Variants in NAV1 observed in about 807,000 individuals in gnomAD.
NAV1 encodes the protein pore membrane and/or filament interacting like protein 3.
In NAV1, 18 loss-of-function variants were observed where a neutral mutation model predicts 175.2. The observed-to-expected ratio is 0.10, with a 90% CI of 0.07 to 0.15. The LOEUF is 0.15. NAV1 is among the 10% of genes least tolerant of loss of function. The pLI, the probability that NAV1 is intolerant of heterozygous loss-of-function variation, is 1.00. For synonymous variants in NAV1, 897 were observed against 978.7 expected, an observed-to-expected ratio of 0.92 and a Z score of 1.56; for missense variants, 1,731 against 2,436.6, an observed-to-expected ratio of 0.71 and a Z score of 6.10.
At chr1:201,707,561 A>ACTACATCACTGTCAGTTTTGCCC (rs1183936686) in intron 1 of NAV1, among the ~76,000 whole-genome samples, 1 of 152,190 alleles carries the variant, frequency 6.6e-6, no homozygotes, top group African/African-American at 2.4e-5. Context: ...TGTTCTTGCC[A>ACTACATCACTGTCAGTTTTGCCC]CTACATCACT....
At chr1:201,659,396 G>C (rs1022605197) in intron 1 of NAV1, among the ~76,000 whole-genome samples, 1 of 152,168 alleles carries the variant, frequency 6.6e-6, no homozygotes, top group African/African-American at 2.4e-5. Context: ...TCGTAGAATC[G>C]CTTGAGCCCA....
chr1:201,809,645 G>A (rs1336740597), intron 22 of NAV1, 108 bp downstream of exon 26: 26 of 1,020,318 alleles, frequency 2.5e-5, no homozygotes, highest in Middle Eastern at 2.2e-4. Context: ...GGGCAGTGGC[G>A]TGATCACAGC....
At position 201,782,561 on chromosome 1, in the gene NAV1, C is replaced by T. The variant is rs749718976; in HGVS notation, c.2049C>T (p.Ser683=). 1.6e-5 allele frequency: 25 copies of T among 1,611,942 alleles called. No individual in the cohort carries two copies. In the South Asian group the frequency reaches 1.8e-4, roughly 11 times the overall value. ...GGCCAGCCAAGTCAAGTTCTATGAG[C>T]GTGACCGGCGGGCGGGGTGGACCTC... Residue 683 remains serine, a synonymous_variant, in exon 6 of 30, where the codon AGC becomes AGT. Transcript: ENST00000367296. The surrounding 1 kb of genome is among the most constrained non-coding windows in gnomAD (Gnocchi z 5.4).
chr1:201,788,699 C>T lies in NAV1; in HGVS notation c.3166+61C>T. The stretch of plus-strand genomic sequence containing the variant: ...CAGCTCTGCTGGGTCCCCTCACCCA[C>T]CACCTCCACTCCCACCACTCCTACC... On this transcript the variant is annotated intron_variant, in intron 10 of 29. Coordinates refer to ENST00000367296, the Ensembl canonical transcript of NAV1. The surrounding 1 kb of genome is among the most constrained non-coding windows in gnomAD (Gnocchi z 5.7). 6.7e-7 allele frequency: 1 copy of T among 1,483,898 alleles called. No individual in the cohort carries two copies. Among genetic ancestry groups the T allele is most frequent in the African/African-American group, 1.4e-5 (1 of 72,738 alleles). The allele number at this position is 1,483,898 out of a possible 1,614,324, so 91.9% of individuals were successfully genotyped here. A position where few individuals can be genotyped will look rare whatever the true frequency, so the allele number is the denominator to read the frequency against.
At chr1:201,648,683 C>A (rs1669069752) in exon 1 of NAV1, 2 of 1,421,430 alleles carry the variant, frequency 1.4e-6, no homozygotes, top group Non-Finnish European at 1.8e-6. Context: ...TGGGCAGCAG[C>A]GTCAAGAGCG....
chr1:201,767,110 C>T (rs1247685822), intron 3 of NAV1, among the ~76,000 whole-genome samples: 4 of 151,540 alleles, frequency 2.6e-5, no homozygotes, highest in South Asian at 2.1e-4. Context: ...TGAGCCACCG[C>T]GCCTGGCCCA....
chr1:201,555,785 A>G (rs1309726568), intron 1 of NAV1, among the ~76,000 whole-genome samples: 1 of 148,232 alleles, frequency 6.7e-6, no homozygotes, highest in African/African-American at 2.5e-5. Context: ...AAGAGAGGCC[A>G]GAAAAGGGAG....
At chr1:201,637,709 GT>G (rs1441330972) in intron 2 of NAV1, among the ~76,000 whole-genome samples, 1 of 152,262 alleles carries the variant, frequency 6.6e-6, no homozygotes, top group African/African-American at 2.4e-5. Context: ...GAGTTTGCTT[GT>G]CCCCATCCAA....
chr1:201,804,249 G>T (rs571502532), intron 16 of NAV1, among the ~76,000 whole-genome samples: 1 of 151,968 alleles, frequency 6.6e-6, no homozygotes, highest in African/African-American at 2.4e-5. Flanking sequence ...AACTGACTTC[G>T]TATGACCTTT....
At chr1:201,701,024 AAAAAAAAAGAAAG>A (rs1671399739) in intron 1 of NAV1, among the ~76,000 whole-genome samples, 1 of 150,370 alleles carries the variant, frequency 6.7e-6, no homozygotes, top group Non-Finnish European at 1.5e-5. Flanking sequence ...AAAAAAAAAA[AAAAAAAAAGAAAG>A]AAAAGAAAAT....
intron 2 of NAV1, among the ~76,000 whole-genome samples, chr1:201,593,380 A>C (rs1021247188): frequency 6.6e-6 from 1 of 152,128 alleles, no homozygotes; most frequent in East Asian, 1.9e-4. Flanking sequence ...CCCATAAATT[A>C]AGACATTTGC....
intron 1 of NAV1, among the ~76,000 whole-genome samples, chr1:201,652,542 G>A (rs959341127): frequency 2.0e-5 from 3 of 152,204 alleles, no homozygotes; most frequent in Admixed American, 1.3e-4. Flanking sequence ...GTTTGGCTCC[G>A]GAAGAAAGGC....
intron 3 of NAV1, among the ~76,000 whole-genome samples, chr1:201,729,751 A>G (rs1420410438): frequency 1.3e-5 from 2 of 149,050 alleles, no homozygotes; most frequent in African/African-American, 5.0e-5. Context: ...CTAAAAATAC[A>G]AAAAATTAGC....
intron 11 of NAV1, among the ~76,000 whole-genome samples, chr1:201,790,263 G>A (rs893548918): frequency 9.9e-5 from 15 of 152,268 alleles, no homozygotes; most frequent in Admixed American, 9.8e-4. Flanking sequence ...CAAGTTGCTG[G>A]CAATAACCGT....
chr1:201,720,594 C>T (rs1021942388), intron 3 of NAV1, among the ~76,000 whole-genome samples: 5 of 152,234 alleles, frequency 3.3e-5, no homozygotes, highest in African/African-American at 9.6e-5. Context: ...GGACTTCCGG[C>T]TCTTAACTAG....
In NAV1 at chr1:201,713,847, C is replaced by A. The variant is rs115275850; in HGVS notation, c.860+928C>A. 4.3e-3 allele frequency among the ~76,000 whole-genome samples: 661 copies of A among 152,334 alleles called. 6 individuals are homozygous for A. The highest frequency in any genetic ancestry group is 0.014 in the African/African-American group (599 of 41,578). On this transcript the variant is annotated intron_variant, in intron 2 of 29. Coordinates refer to ENST00000367296, the Ensembl canonical transcript of NAV1. The stretch of plus-strand genomic sequence containing the variant: ...CACAGGGGCAGTGGAAAAGGACTTT[C>A]TTTAGCCCAGGGTGTGGCCATTTGG...
chr1:201,580,602 G>A (rs965192459), intron 1 of NAV1, among the ~76,000 whole-genome samples: 8 of 152,044 alleles, frequency 5.3e-5, no homozygotes, highest in African/African-American at 1.9e-4. Flanking sequence ...GTGAAACCCC[G>A]TCTCTGCTAA....
chr1:201,664,317 A>G (rs967668068), intron 1 of NAV1, among the ~76,000 whole-genome samples: 4 of 152,198 alleles, frequency 2.6e-5, no homozygotes, highest in African/African-American at 9.6e-5. Flanking sequence ...ACTCCAGCCC[A>G]GGGACAGAGC....
At chr1:201,548,600 T>C (rs562237239) in intron 1 of NAV1, among the ~76,000 whole-genome samples, 45 of 152,260 alleles carry the variant, frequency 3.0e-4, no homozygotes, top group African/African-American at 1.1e-3. Flanking sequence ...AATAAAGGTG[T>C]TATTGACTGA....
Sources: gnomAD v4.1 joint callset for allele counts (sites outside exome capture counted in the v4.1 genomes callset) on GRCh38, gnomAD v4.1.1 for gene constraint, Gnocchi (gnomAD v3.1) non-coding constraint, MANE v1.5 for transcripts, NCBI Gene and HGNC (gene_info 2026-07-23, HGNC 2026-07-21) for gene names.